The following SLC12A2 variants were observed in gnomAD, a reference collection of about 807,000 sequenced individuals.
The protein encoded by SLC12A2 is Na-K-2Cl cotransporter 1.
Under a neutral mutation model 136.3 loss-of-function variants are expected in SLC12A2, and 67 were observed. The observed-to-expected ratio is 0.49, with a 90% CI of 0.40 to 0.60. SLC12A2 has a LOEUF of 0.60. Among genes scored for constraint, SLC12A2 ranks in the 20% least tolerant of loss-of-function variants. The pLI, the probability that SLC12A2 is intolerant of heterozygous loss-of-function variation, is 0.00. For missense variants in SLC12A2, 1,322 were observed against 1,534.7 expected (o/e 0.86, Z 2.32); for synonymous variants, 619 against 562.9 (o/e 1.10, Z -1.41).
chr5:128,174,429 C>G, intron 19 of SLC12A2, 112 bp from the exon 20 acceptor site: 1 of 724,098 alleles, frequency 1.4e-6, no homozygotes, highest in East Asian at 3.1e-5. Context: ...AAATAAGAAG[C>G]CATTTATAAT....
chr5:128,116,033 A>T (rs1761335394), intron 4 of SLC12A2, among the ~76,000 whole-genome samples: 1 of 152,212 alleles, frequency 6.6e-6, no homozygotes, highest in Admixed American at 6.5e-5. Context: ...AGTTAGTCAG[A>T]TAATGTTGAG....
rs774511847 is a variant in SLC12A2 at position 128,134,155 on chromosome 5, CT to C, written c.1189-5del. On this transcript the variant is annotated splice_polypyrimidine_tract_variant and intron_variant, in intron 5 of 26. Transcript: ENST00000262461. ...GTATTGCTTATTATATTTATGATTCCTTTTTCTAGGAACATTCCATACTTAT... is the reference window on the plus strand; with the variant it reads ...GTATTGCTTATTATATTTATGATTCCTTTTCTAGGAACATTCCATACTTAT... 1 of 1,401,694 alleles carries C rather than the reference CT, an allele frequency of 7.1e-7. No individual in the cohort carries two copies. Among genetic ancestry groups the C allele is most frequent in the South Asian group, 1.2e-5 (1 of 84,600 alleles). 86.8% of individuals were successfully genotyped at this position (1,401,694 alleles called of 1,614,324 possible).
chr5:128,126,960 A>T lies in SLC12A2; in HGVS notation c.1049-4107A>T, dbSNP rs1246071456. ...AACCTACATATATATATATATATAT[A>T]TATATATTTTTTTTTTTTTTTTTTT... On this transcript the variant is annotated intron_variant, in intron 4 of 26. Coordinates refer to ENST00000262461, the MANE Select transcript of SLC12A2 (RefSeq NM_001046.3). 2.3e-3 allele frequency among the ~76,000 whole-genome samples: 60 copies of T among 26,376 alleles called. 3 individuals are homozygous for T. The highest frequency in any genetic ancestry group is 6.7e-3 in the African/African-American group (22 of 3,268). The allele number at this position is 26,376 out of a possible 152,430, so 17.3% of individuals were successfully genotyped here.
Position 128,148,858 on chromosome 5 carries a change from A to G in SLC12A2, c.1986A>G (p.Ala662=). 2 of 1,600,732 alleles carry G rather than the reference A, an allele frequency of 1.2e-6. No individual in the cohort carries two copies. Residue 662 remains alanine, a synonymous_variant, in exon 12 of 27, where the codon GCA becomes GCG. Transcript: ENST00000262461. ...GCTACATCTTAACATTCTTAATTGC[A>G]CTTGGATTCATCTTAATTGGTTAGT... ...LRGYILTFLI[A]LGFILIAELN...
At chr5:128,148,674 C>G in intron 11 of SLC12A2, 80 bp from the exon 12 acceptor site, 1 of 1,181,844 alleles carries the variant, frequency 8.5e-7, no homozygotes, top group Middle Eastern at 2.0e-4. Context: ...GAATCTCATT[C>G]CTGATTAACC....
At position 128,188,363 on chromosome 5, in the gene SLC12A2, T is replaced by A. The variant is rs11957052; in HGVS notation, c.*1732T>A. ...ACGCTGGAATGCAGTAACGTGATCT[T>A]GGCTCACTGCGACCTCCACCTCCCC... is the stretch of plus-strand genomic sequence containing the variant. On this transcript the variant is annotated 3_prime_UTR_variant, in exon 27 of 27. Transcript: ENST00000262461. 6.8e-6 allele frequency: 1 copy of A among 147,370 alleles called. No individual in the cohort carries two copies. The highest frequency in any genetic ancestry group is 3.5e-3 in the Middle Eastern group (1 of 284). The allele number at this position is 147,370 out of a possible 1,614,324, so 9.1% of individuals were successfully genotyped here.
At chr5:128,185,747 T>A (rs983422401) in intron 26 of SLC12A2, among the ~76,000 whole-genome samples, 2 of 152,170 alleles carry the variant, frequency 1.3e-5, no homozygotes, top group African/African-American at 4.8e-5. Flanking sequence ...CCTAAAAGAA[T>A]TCTATTCTTA....
chr5:128,126,966 AT>A lies in SLC12A2; in HGVS notation c.1049-4080del, dbSNP rs1554105175. Among the ~76,000 whole-genome samples, 36 of 21,146 alleles carry A rather than the reference AT, an allele frequency of 1.7e-3. No individual in the cohort carries two copies. In the East Asian group the frequency reaches 0.021, roughly 13 times the overall value. The allele number at this position is 21,146 out of a possible 152,430, so 13.9% of individuals were successfully genotyped here. A position where few individuals can be genotyped will look rare whatever the true frequency, so the allele number is the denominator to read the frequency against. ...CATATATATATATATATATATATATATTTTTTTTTTTTTTTTTTTTTGCATC... is the reference window on the plus strand; with the variant it reads ...CATATATATATATATATATATATATATTTTTTTTTTTTTTTTTTTTGCATC... On this transcript the variant is annotated intron_variant, in intron 4 of 26. Coordinates refer to ENST00000262461, the MANE Select transcript of SLC12A2 (RefSeq NM_001046.3).
At chr5:128,186,461 GTTTT>G (rs11382084) in intron 26 of SLC12A2, 31 bp from the exon 27 acceptor site, 8 of 1,323,448 alleles carry the variant, frequency 6.0e-6, no homozygotes, top group South Asian at 1.5e-5. Context: ...ATTGCTCAGG[GTTTT>G]TTTTTTTTCT....
chr5:128,141,484 C>G (rs765321255), intron 9 of SLC12A2, among the ~76,000 whole-genome samples: 4 of 152,132 alleles, frequency 2.6e-5, no homozygotes, highest in Non-Finnish European at 5.9e-5. Context: ...ATTTGGAACT[C>G]TTTCAGTACA....
intron 19 of SLC12A2, 91 bp downstream of exon 19, chr5:128,171,837 C>A: frequency 1.3e-6 from 1 of 753,944 alleles, no homozygotes; most frequent in Non-Finnish European, 2.2e-6. Flanking sequence ...CTCTTCGTTA[C>A]TTTTAATAAT....
chr5:128,128,502 C>T (rs1445829972), intron 4 of SLC12A2, among the ~76,000 whole-genome samples: 3 of 151,808 alleles, frequency 2.0e-5, no homozygotes, highest in Admixed American at 2.0e-4. Context: ...TTTTCTATGT[C>T]TTCAGCATTT....
intron 1 of SLC12A2, among the ~76,000 whole-genome samples, chr5:128,090,504 T>A (rs1760268085): frequency 6.6e-6 from 1 of 152,208 alleles, no homozygotes; most frequent in Non-Finnish European, 1.5e-5. Context: ...AACAAATCCT[T>A]GTTGAACATC....
intron 4 of SLC12A2, among the ~76,000 whole-genome samples, chr5:128,117,447 T>C (rs962623873): frequency 1.3e-5 from 2 of 152,154 alleles, no homozygotes; most frequent in African/African-American, 4.8e-5. Flanking sequence ...ATAAATAGTG[T>C]TGAATCAAAC....
At chr5:128,155,284 AC>A (rs1762840103) in intron 15 of SLC12A2, among the ~76,000 whole-genome samples, 2 of 128,276 alleles carry the variant, frequency 1.6e-5, no homozygotes, top group Non-Finnish European at 1.5e-5. Flanking sequence ...AAACAAAGCC[AC>A]AGATAAGGGG....
At chr5:128,118,303 A>G (rs1761429555) in intron 4 of SLC12A2, among the ~76,000 whole-genome samples, 1 of 152,198 alleles carries the variant, frequency 6.6e-6, no homozygotes, top group Non-Finnish European at 1.5e-5. Flanking sequence ...ACAATTATAA[A>G]AATGTGGAAC....
intron 10 of SLC12A2, among the ~76,000 whole-genome samples, chr5:128,147,368 T>G (rs1745746769): frequency 6.6e-6 from 1 of 151,706 alleles, no homozygotes; most frequent in South Asian, 2.1e-4. Flanking sequence ...TGATGGATGT[T>G]AGCAGTTCAT....
At chr5:128,183,028 C>A in intron 24 of SLC12A2, 87 bp downstream of exon 24, 1 of 793,000 alleles carries the variant, frequency 1.3e-6, no homozygotes, top group Non-Finnish European at 2.0e-6. Context: ...AGATTTTTTT[C>A]CTGTTGTTAG....
intron 20 of SLC12A2, among the ~76,000 whole-genome samples, chr5:128,175,816 A>G (rs551967863): frequency 2.0e-5 from 3 of 152,096 alleles, no homozygotes; most frequent in African/African-American, 7.2e-5. Flanking sequence ...GACATTTCTG[A>G]GATCTTTTAA....
Sources: gnomAD v4.1 joint callset for allele counts (sites outside exome capture counted in the v4.1 genomes callset) on GRCh38, gnomAD v4.1.1 for gene constraint, MANE v1.5 for transcripts, NCBI Gene and HGNC (gene_info 2026-07-23, HGNC 2026-07-21) for gene names.